PCDHA12: variants seen among roughly 807,000 people sequenced by gnomAD.
PCDHA12 encodes protocadherin alpha 12, also known as protocadherin alpha-12.
PCDHA12 carries 44 observed loss-of-function variants against 60.0 expected under a neutral mutation model. That is an observed-to-expected ratio of 0.73 (90% CI 0.58 to 0.94). The LOEUF (loss-of-function observed/expected upper bound fraction) is 0.94, where lower values mean the gene tolerates loss of function less well. Ranked by LOEUF, PCDHA12 falls within the 40% of genes least tolerant of loss-of-function variation. The pLI, the probability that PCDHA12 is intolerant of heterozygous loss-of-function variation, is 0.00. For missense variants in PCDHA12, 1,276 were observed against 1,239.7 expected, an observed-to-expected ratio of 1.03 and a Z score of -0.44; for synonymous variants, 569 against 553.0, an observed-to-expected ratio of 1.03 and a Z score of -0.40.
chr5:140,920,039 G>A (rs185914290), intron 1 of PCDHA12, among the ~76,000 whole-genome samples: 1 of 152,280 alleles, frequency 6.6e-6, no homozygotes, highest in Non-Finnish European at 1.5e-5. Flanking sequence ...TTGGAGTGAT[G>A]TCAACAGCCA....
At chr5:140,884,574 T>C (rs1554181755) in intron 1 of PCDHA12, 1 of 1,614,014 alleles carries the variant, frequency 6.2e-7, no homozygotes, top group East Asian at 2.2e-5. Context: ...AAGACGGACC[T>C]CATGGCCTTC....
At chr5:140,932,312 T>C (rs2088188856) in intron 1 of PCDHA12, among the ~76,000 whole-genome samples, 1 of 151,922 alleles carries the variant, frequency 6.6e-6, no homozygotes, top group Admixed American at 6.6e-5. Context: ...GGTATAAATA[T>C]ATTAATGTAG....
rs782052342 is a variant in PCDHA12, at chr5:140,927,029, C to T, written c.2367+49190C>T. On this transcript the variant is annotated intron_variant, in intron 1 of 3. Transcript: ENST00000398631. ...AATCTCTCCGCGGACTTGAGGCTGC[C>T]AGCGGCCGCTATGTCCTCGCGGAAC... 1.9e-6 allele frequency: 3 copies of T among 1,612,358 alleles called. No homozygotes were observed. In the South Asian group the frequency reaches 3.3e-5, roughly 18 times the overall value.
intron 1 of PCDHA12, among the ~76,000 whole-genome samples, chr5:140,892,769 T>C (rs1182235195): frequency 6.6e-6 from 1 of 152,210 alleles, no homozygotes; most frequent in Non-Finnish European, 1.5e-5. Context: ...TCCACTCTTC[T>C]AGCTTCTTGA....
intron 2 of PCDHA12, among the ~76,000 whole-genome samples, chr5:140,981,654 A>ATTTCTTCCTTCC (rs563193906): frequency 2.0e-5 from 3 of 152,026 alleles, no homozygotes; most frequent in Non-Finnish European, 2.9e-5. Context: ...GATCCCACTT[A>ATTTCTTCCTTCC]TTTCTTCCTT....
chr5:140,995,285 C>G (rs1179283452), intron 3 of PCDHA12, among the ~76,000 whole-genome samples: 1 of 152,048 alleles, frequency 6.6e-6, no homozygotes, highest in African/African-American at 2.4e-5. Flanking sequence ...ACCAAAACAG[C>G]CAGTCGGATA....
At chr5:140,967,428 C>T (rs782709354) in intron 1 of PCDHA12, 2 of 1,613,402 alleles carry the variant, frequency 1.2e-6, no homozygotes, top group East Asian at 4.5e-5. Context: ...GAGCAGGCAG[C>T]CTTGCACCAC....
chr5:141,001,706 C>T (rs2098033561), intron 3 of PCDHA12, among the ~76,000 whole-genome samples: 1 of 151,850 alleles, frequency 6.6e-6, no homozygotes, highest in African/African-American at 2.4e-5. Flanking sequence ...AAATAGGGGG[C>T]GGGGAAGGAG....
intron 1 of PCDHA12, chr5:140,927,725 C>T (rs782731204): frequency 1.2e-6 from 2 of 1,614,202 alleles, no homozygotes; most frequent in South Asian, 2.2e-5. Flanking sequence ...AGCACGCAAG[C>T]AGAGCTGCGA....
Position 140,927,828 on chromosome 5 carries a change from G to A in PCDHA12, c.2367+49989G>A, listed in dbSNP as rs782244639. The A allele has an allele frequency of 7.4e-6, 12 of 1,614,074 alleles. No individual in the cohort carries two copies. The South Asian group carries it at 9.9e-5, about 13-fold the overall frequency. On this transcript the variant is annotated intron_variant, in intron 1 of 3. Coordinates refer to ENST00000398631, the MANE Select transcript of PCDHA12 (RefSeq NM_018903.4). ...CGCTCTTGGAGGCATACATTGAGGC[G>A]AGGGACGAAGGTGTCTTTGGTTTAG...
intron 3 of PCDHA12, among the ~76,000 whole-genome samples, chr5:140,997,899 G>T (rs2097789789): frequency 6.6e-6 from 1 of 152,126 alleles, no homozygotes; most frequent in Non-Finnish European, 1.5e-5. Context: ...TAAATTTCAA[G>T]AAGTAGAATT....
chr5:140,994,658 T>C (rs2097643677), intron 3 of PCDHA12, among the ~76,000 whole-genome samples: 1 of 152,024 alleles, frequency 6.6e-6, no homozygotes, highest in African/African-American at 2.4e-5. Flanking sequence ...TGAGCTGAGA[T>C]CACACTACTG....
chr5:140,923,055 A>G (rs1233279179), intron 1 of PCDHA12, among the ~76,000 whole-genome samples: 1 of 152,236 alleles, frequency 6.6e-6, no homozygotes, highest in African/African-American at 2.4e-5. Flanking sequence ...TTTAGAATAA[A>G]AGAGCTAGGT....
chr5:140,921,131 C>A (rs532456439), intron 1 of PCDHA12, among the ~76,000 whole-genome samples: 1 of 133,054 alleles, frequency 7.5e-6, no homozygotes, highest in East Asian at 2.3e-4. Flanking sequence ...CAGGTGCACA[C>A]CACTACACCC....
At chr5:140,975,174 T>C (rs1470598627) in intron 1 of PCDHA12, among the ~76,000 whole-genome samples, 1 of 152,208 alleles carries the variant, frequency 6.6e-6, no homozygotes, top group Non-Finnish European at 1.5e-5. Context: ...GACTCAGGAC[T>C]CTTGTCCCAT....
chr5:140,954,771 T>C (rs1314345691), intron 1 of PCDHA12, among the ~76,000 whole-genome samples: 2 of 152,230 alleles, frequency 1.3e-5, no homozygotes, highest in African/African-American at 4.8e-5. Context: ...AGCTCTTTAA[T>C]TTAATTAGAT....
chr5:141,010,089 G>T lies in PCDHA12; in HGVS notation c.*152G>T. On this transcript the variant is annotated 3_prime_UTR_variant, in exon 4 of 4. Coordinates refer to ENST00000398631, the MANE Select transcript of PCDHA12 (RefSeq NM_018903.4). The stretch of plus-strand genomic sequence containing the variant: ...AAAGTTCCCTGTGTCTGTCTAGAAC[G>T]CATTTAACAGGTTTTGTCGTAAAAG... 2 of 1,612,296 alleles carry T rather than the reference G, an allele frequency of 1.2e-6. No individual in the cohort carries two copies. Among genetic ancestry groups the T allele is most frequent in the East Asian group, 2.2e-5 (1 of 44,872 alleles).
chr5:140,998,809 C>T (rs782698811), intron 3 of PCDHA12, among the ~76,000 whole-genome samples: 14 of 152,212 alleles, frequency 9.2e-5, no homozygotes, highest in Non-Finnish European at 1.9e-4. Context: ...GGTGATCTGC[C>T]TGCCTTGGCC....
intron 1 of PCDHA12, chr5:140,883,974 G>C: frequency 6.2e-7 from 1 of 1,612,962 alleles, no homozygotes; most frequent in Non-Finnish European, 8.5e-7. Context: ...CTGACGCCCG[G>C]GGCTGGCAGC....
Sources: allele counts gnomAD v4.1 joint callset (sites outside exome capture counted in the v4.1 genomes callset), GRCh38; gene constraint gnomAD v4.1.1; transcripts MANE v1.5; gene names NCBI Gene and HGNC (gene_info 2026-07-23, HGNC 2026-07-21).